Variants in TOP6BL observed in about 807,000 individuals in gnomAD.
The protein encoded by TOP6BL is type 2 DNA topoisomerase 6 subunit B-like.
the TOP6BL span, among the ~76,000 whole-genome samples, chr11:66,810,008 A>T: frequency 6.6e-6 from 1 of 152,250 alleles, no homozygotes; most frequent in Non-Finnish European, 1.5e-5. Context: ...ACCAAGTCAC[A>T]TCATAATCAA....
the TOP6BL span, among the ~76,000 whole-genome samples, chr11:66,836,366 C>G: frequency 2.0e-5 from 3 of 151,782 alleles, no homozygotes; most frequent in African/African-American, 7.3e-5. Flanking sequence ...CCCACTACCA[C>G]GCCCGGCTAA....
At chr11:66,843,501 C>T in the TOP6BL span, 1 of 1,487,804 alleles carries the variant, frequency 6.7e-7, no homozygotes, top group Non-Finnish European at 8.9e-7. Flanking sequence ...GTCGGTGTCG[C>T]GGCCGGAGCG....
chr11:66,817,904 CT>C, the TOP6BL span, among the ~76,000 whole-genome samples: 2 of 152,274 alleles, frequency 1.3e-5, no homozygotes, highest in Admixed American at 6.5e-5. Context: ...CAGGAGTTGA[CT>C]TCTGCATTTT....
chr11:66,828,831 A>G, the TOP6BL span: 1 of 158,572 alleles, frequency 6.3e-6, no homozygotes. Context: ...TCCTGCTAGG[A>G]TCTCCGTTCA....
the TOP6BL span, among the ~76,000 whole-genome samples, chr11:66,793,819 A>C: frequency 2.6e-5 from 4 of 152,120 alleles, no homozygotes; most frequent in Non-Finnish European, 5.9e-5. Context: ...TATAAAAAAC[A>C]TTAAAAGGCC....
the TOP6BL span, among the ~76,000 whole-genome samples, chr11:66,769,668 A>G: frequency 6.6e-6 from 1 of 152,122 alleles, no homozygotes; most frequent in African/African-American, 2.4e-5. Context: ...GTGGGGTTAG[A>G]TTAGATCATG....
the TOP6BL span, among the ~76,000 whole-genome samples, chr11:66,829,948 G>T: frequency 3.9e-4 from 60 of 152,140 alleles, no homozygotes; most frequent in Admixed American, 2.4e-3. Flanking sequence ...ACTATAAGGA[G>T]AAATAGACAA....
At chr11:66,818,292 A>G in the TOP6BL span, among the ~76,000 whole-genome samples, 1 of 152,254 alleles carries the variant, frequency 6.6e-6, no homozygotes, top group South Asian at 2.1e-4. Flanking sequence ...AGATAAGGCA[A>G]ACTTTTCCCT....
the TOP6BL span, among the ~76,000 whole-genome samples, chr11:66,805,095 G>T: frequency 1.3e-5 from 2 of 151,708 alleles, no homozygotes; most frequent in Admixed American, 1.3e-4. Flanking sequence ...AAAGCCAGGC[G>T]TGGTGGTGTA....
At chr11:66,830,879 C>T in the TOP6BL span, among the ~76,000 whole-genome samples, 1 of 152,020 alleles carries the variant, frequency 6.6e-6, no homozygotes, top group Non-Finnish European at 1.5e-5. Context: ...AAAAACCTTA[C>T]CATAATATCC....
chr11:66,812,667 G>A, the TOP6BL span, among the ~76,000 whole-genome samples: 1 of 152,168 alleles, frequency 6.6e-6, no homozygotes, highest in African/African-American at 2.4e-5. Flanking sequence ...GAAAGAGGAT[G>A]AAAACGAATG....
At chr11:66,770,841 A>G in the TOP6BL span, among the ~76,000 whole-genome samples, 1 of 152,060 alleles carries the variant, frequency 6.6e-6, no homozygotes, top group Non-Finnish European at 1.5e-5. Flanking sequence ...GCATAGTATA[A>G]TCCCCTGCTG....
chr11:66,837,317 C>T, the TOP6BL span, among the ~76,000 whole-genome samples: 1 of 151,604 alleles, frequency 6.6e-6, no homozygotes, highest in Admixed American at 6.6e-5. Flanking sequence ...GTAATAGAGA[C>T]GGGGTTTCAC....
the TOP6BL span, among the ~76,000 whole-genome samples, chr11:66,841,262 C>T: frequency 1.1e-4 from 17 of 151,982 alleles, no homozygotes; most frequent in East Asian, 2.9e-3. Context: ...GGATTACAGG[C>T]GCCCACCACC....
At chr11:66,795,732 T>A in the TOP6BL span, among the ~76,000 whole-genome samples, 1 of 145,742 alleles carries the variant, frequency 6.9e-6, no homozygotes, top group Non-Finnish European at 1.5e-5. Context: ...ATTTAAGTAA[T>A]TTTTTTTTTT....
chr11:66,799,755 G>A, the TOP6BL span, among the ~76,000 whole-genome samples: 23 of 151,448 alleles, frequency 1.5e-4, no homozygotes, highest in South Asian at 4.4e-3. Context: ...AGGTTCATCC[G>A]TGTCACAAAT....
the TOP6BL span, chr11:66,822,758 C>CT: frequency 1.1e-6 from 1 of 901,630 alleles, no homozygotes; most frequent in Admixed American, 2.2e-5. Flanking sequence ...AATCGCAGCA[C>CT]TTTGGGAGGC....
the TOP6BL span, among the ~76,000 whole-genome samples, chr11:66,790,841 T>C: frequency 6.6e-6 from 1 of 152,146 alleles, no homozygotes; most frequent in Non-Finnish European, 1.5e-5. Context: ...TGCTTGGATA[T>C]GGATGTCAGT....
the TOP6BL span, among the ~76,000 whole-genome samples, chr11:66,786,996 C>T: frequency 6.0e-5 from 9 of 151,210 alleles, no homozygotes; most frequent in Admixed American, 2.0e-4. Context: ...TGCAATGGCA[C>T]GATCTTGGCT....
Sources: allele counts gnomAD v4.1 joint callset (sites outside exome capture counted in the v4.1 genomes callset), GRCh38; gene constraint gnomAD v4.1.1; transcripts MANE v1.5; gene names NCBI Gene and HGNC (gene_info 2026-07-23, HGNC 2026-07-21).